The following STAG3 variants were observed in gnomAD, a reference collection of about 807,000 sequenced individuals.
STAG3 encodes cohesin subunit SA-3.
In STAG3, 101 loss-of-function variants were observed where a neutral mutation model predicts 160.7. The ratio of observed to expected loss-of-function variants is 0.63; its 90% CI spans 0.54 to 0.74. The LOEUF is 0.74. Ranked by LOEUF, STAG3 falls within the 30% of genes least tolerant of loss-of-function variation. The pLI is 0.00. For missense variants in STAG3, 1,188 were observed against 1,517.4 expected (o/e 0.78, Z 3.61); for synonymous variants, 519 against 585.0 (o/e 0.89, Z 1.63).
intron 2 of STAG3, among the ~76,000 whole-genome samples, chr7:100,181,223 G>T (rs1799627083): frequency 6.6e-6 from 1 of 152,080 alleles, no homozygotes; most frequent in Non-Finnish European, 1.5e-5. Flanking sequence ...AGTTTATTCT[G>T]TGTAGGTTAT....
At chr7:100,199,843 CAGG>C (rs1200780951) in intron 16 of STAG3, among the ~76,000 whole-genome samples, 199 bp downstream of exon 16, 1 of 148,802 alleles carries the variant, frequency 6.7e-6, no homozygotes, top group Non-Finnish European at 1.5e-5. Flanking sequence ...ATCACGAGGT[CAGG>C]AGATCGAGAC....
chr7:100,201,729 A>C, intron 21 of STAG3, 57 bp from the exon 22 acceptor site: 1 of 1,461,074 alleles, frequency 6.8e-7, no homozygotes, highest in Non-Finnish European at 9.6e-7. Context: ...GTTTCTGGCT[A>C]TCTGTCTCTC....
chr7:100,197,288 C>T lies in STAG3; in HGVS notation c.1065+9C>T, dbSNP rs376634492. The T allele has an allele frequency of 3.6e-5, 58 of 1,606,864 alleles. No individual in the cohort carries two copies. Among genetic ancestry groups the T allele is most frequent in the African/African-American group, 5.4e-5 (4 of 74,724 alleles). ...GGACTCTGCATGATAAGGTGGGATT[C>T]GAGTCAGTTTCCCTTTCCGTTTCCT... On this transcript the variant is annotated intron_variant, in intron 10 of 33. Transcript: ENST00000615138.
chr7:100,214,449 C>CA (rs1176778312), downstream of STAG3: 3 of 223,040 alleles, frequency 1.3e-5, no homozygotes, highest in African/African-American at 6.9e-5. Flanking sequence ...CGCCTTGTCC[C>CA]ATGGCCCAGC....
At chr7:100,217,268 T>C (rs1802841826), downstream of STAG3, among the ~76,000 whole-genome samples, 1 of 152,214 alleles carries the variant, frequency 6.6e-6, no homozygotes, top group Non-Finnish European at 1.5e-5. Context: ...GAAGGGTTCA[T>C]GCCAGCAAGC....
chr7:100,193,070 A>G (rs1280896998), intron 8 of STAG3, among the ~76,000 whole-genome samples: 1 of 152,262 alleles, frequency 6.6e-6, no homozygotes, highest in Non-Finnish European at 1.5e-5. Flanking sequence ...ATCTCCTTGT[A>G]CATCTTCACC....
chr7:100,204,082 G>GA lies in STAG3; in HGVS notation c.2764dup (p.Ser922LysfsTer29), dbSNP rs1562993769. On this transcript the variant is annotated frameshift_variant, in exon 26 of 34. Transcript: ENST00000615138. LOFTEE classifies it high-confidence loss of function. ...TTAACTAGAGCAAGGCAGATTGACC[G>GA]AAGTCATTGTTCCCGAATCCTGCTG... is the stretch of plus-strand genomic sequence containing the variant. The GA allele has an allele frequency of 6.2e-7, 1 of 1,614,044 alleles. No individual in the cohort carries two copies. Among genetic ancestry groups the GA allele is most frequent in the East Asian group, 2.2e-5 (1 of 44,880 alleles).
At chr7:100,217,865 C>T (rs1295315602), downstream of STAG3, among the ~76,000 whole-genome samples, 2 of 151,806 alleles carry the variant, frequency 1.3e-5, no homozygotes, top group Non-Finnish European at 1.5e-5. Context: ...GTGTACAGAG[C>T]GGAACATGAA....
chr7:100,214,046 C>A lies in STAG3; in HGVS notation c.*31C>A. 6.2e-7 allele frequency: 1 copy of A among 1,612,606 alleles called. No individual in the cohort carries two copies. The highest frequency in any genetic ancestry group is 8.5e-7 in the Non-Finnish European group (1 of 1,178,952). ...CTCTGGGCCCCTCCCCAGCTCCACT[C>A]CCTACCTCAAGAATGTGACCATTTG... is the stretch of plus-strand genomic sequence containing the variant. On this transcript the variant is annotated 3_prime_UTR_variant, in exon 34 of 34. Coordinates refer to ENST00000615138, the MANE Select transcript of STAG3 (RefSeq NM_001282717.2).
downstream of STAG3, among the ~76,000 whole-genome samples, chr7:100,214,620 T>C (rs1167924556): frequency 6.6e-6 from 1 of 152,094 alleles, no homozygotes; most frequent in Non-Finnish European, 1.5e-5. Flanking sequence ...GTAAAAGTTG[T>C]GCTGACAGGT....
chr7:100,199,501 A>G, intron 15 of STAG3, 40 bp from the exon 16 acceptor site: 1 of 1,574,438 alleles, frequency 6.4e-7, no homozygotes, highest in East Asian at 2.3e-5. Context: ...GAAGGTGGCT[A>G]ATCTTTGATT....
intron 8 of STAG3, among the ~76,000 whole-genome samples, chr7:100,193,381 C>T (rs866706921): frequency 2.2e-4 from 34 of 152,220 alleles, no homozygotes; most frequent in African/African-American, 7.7e-4. Context: ...GCTTTGAAGC[C>T]AGGCATTGAC....
In STAG3 at chr7:100,201,271, G is replaced by C; in HGVS notation, c.2140G>C (p.Asp714His). ...KRLSAFYNTH[D>H]LTRWELYEPC... The stretch of plus-strand genomic sequence containing the variant: ...CCCCTTTCTCCCCCAAAGCACTCAT[G>C]ACCTGACTCGCTGGGAGCTCTATGA... Residue 714 changes from aspartate to histidine, a missense_variant, in exon 21 of 34, where the codon GAC becomes CAC. By Grantham distance (81) the Asp-to-His change is moderately conservative. Around this residue, in one of 4 missense-constraint regions of STAG3, gnomAD observed 647 missense variants for 717.2 expected, o/e 0.90. Transcript: ENST00000615138. 1 of 1,614,110 alleles carries C rather than the reference G, an allele frequency of 6.2e-7. No homozygotes were observed. The highest frequency in any genetic ancestry group is 1.3e-5 in the African/African-American group (1 of 75,000).
At chr7:100,208,496 A>T (rs959312496) in intron 29 of STAG3, among the ~76,000 whole-genome samples, 3 of 152,232 alleles carry the variant, frequency 2.0e-5, no homozygotes, top group East Asian at 1.9e-4. Flanking sequence ...TTTACCAAGA[A>T]GATGGAATTG....
At chr7:100,213,696 T>A (rs1442226435) in intron 32 of STAG3, 39 bp from the exon 33 acceptor site, 1 of 1,613,904 alleles carries the variant, frequency 6.2e-7, no homozygotes. Context: ...GACAGGAGTG[T>A]GTAAAGGCCT....
intron 4 of STAG3, among the ~76,000 whole-genome samples, chr7:100,185,623 G>GA (rs1003448446): frequency 7.4e-5 from 11 of 147,694 alleles, no homozygotes; most frequent in Non-Finnish European, 9.0e-5. Flanking sequence ...AAAAGGAAAA[G>GA]AAAAAAAAAG....
intron 26 of STAG3, 105 bp from the exon 27 acceptor site, chr7:100,204,522 T>C (rs920739827): frequency 7.2e-7 from 1 of 1,384,516 alleles, no homozygotes; most frequent in Admixed American, 2.3e-5. Flanking sequence ...TAGTAGATGG[T>C]GTCCCAAGGC....
chr7:100,205,150 A>G lies in STAG3; in HGVS notation c.3080+17A>G. On this transcript the variant is annotated intron_variant, in intron 28 of 33. Transcript: ENST00000615138. ...GCAGCTTTTGTAAGTTGGTGGGTGGATAGAGATGTGGATTAGGGAAGGGCC... is the reference window on the plus strand; with the variant it reads ...GCAGCTTTTGTAAGTTGGTGGGTGGGTAGAGATGTGGATTAGGGAAGGGCC... The G allele has an allele frequency of 6.2e-7, 1 of 1,613,882 alleles. No homozygotes were observed. Among genetic ancestry groups the G allele is most frequent in the Non-Finnish European group, 8.5e-7 (1 of 1,179,884 alleles).
In STAG3 at chr7:100,201,807, CTT is replaced by C; in HGVS notation, c.2243_2244del (p.Leu748ArgfsTer14). On this transcript the variant is annotated frameshift_variant, in exon 22 of 34. Transcript: ENST00000615138. LOFTEE classifies it high-confidence loss of function. Reference sequence around the variant, plus strand: ...ACAGGTTATCCTGCCAGCCTTGACTCTTGTCTATTTTTCCATTCTCTGGACAC... The same window carrying C: ...ACAGGTTATCCTGCCAGCCTTGACTCGTCTATTTTTCCATTCTCTGGACAC... The part of the protein sequence containing the change: ...PHQVILPALT[L>X]VYFSILWTLT... The C allele has an allele frequency of 6.2e-7, 1 of 1,614,156 alleles. No homozygotes were observed. The highest frequency in any genetic ancestry group is 8.5e-7 in the Non-Finnish European group (1 of 1,180,026).
Sources: gnomAD v4.1 joint callset for allele counts (sites outside exome capture counted in the v4.1 genomes callset) on GRCh38, gnomAD v4.1.1 for gene constraint, gnomAD v4.1.1 regional missense constraint, MANE v1.5 for transcripts, NCBI Gene and HGNC (gene_info 2026-07-23, HGNC 2026-07-21) for gene names.